DLG2: variants seen among roughly 807,000 people sequenced by gnomAD.
DLG2 encodes the protein discs large MAGUK scaffold protein 2, also known as disks large homolog 2.
Under a neutral mutation model 132.5 loss-of-function variants are expected in DLG2, and 45 were observed. The ratio of observed to expected loss-of-function variants is 0.34; its 90% confidence interval spans 0.27 to 0.44. The LOEUF is 0.44. DLG2 is among the 20% of genes least tolerant of loss of function. The pLI, the probability that DLG2 is intolerant of heterozygous loss-of-function variation, is 1.00. For synonymous variants in DLG2, 424 were observed against 419.6 expected (o/e 1.01, Z -0.13); for missense variants, 1,045 against 1,196.9 (o/e 0.87, Z 1.87).
intron 8 of DLG2, among the ~76,000 whole-genome samples, chr11:84,216,681 A>G (rs1375063422): frequency 6.6e-6 from 1 of 152,190 alleles, no homozygotes; most frequent in African/African-American, 2.4e-5. Flanking sequence ...TGCAATGGAA[A>G]GCATGAAGGA....
chr11:84,932,605 GC>G (rs2048231595), intron 6 of DLG2, among the ~76,000 whole-genome samples: 1 of 152,130 alleles, frequency 6.6e-6, no homozygotes, highest in African/African-American at 2.4e-5. Flanking sequence ...GTGAGAACAT[GC>G]AGTGTTTGGT....
At chr11:85,417,272 C>G (rs548552217) in intron 3 of DLG2, among the ~76,000 whole-genome samples, 4 of 152,094 alleles carry the variant, frequency 2.6e-5, no homozygotes, top group African/African-American at 9.7e-5. Context: ...ATTGAACAAG[C>G]CTTGCATCCC....
chr11:85,266,772 C>T (rs148159158), intron 4 of DLG2, among the ~76,000 whole-genome samples: 79 of 152,198 alleles, frequency 5.2e-4, no homozygotes, highest in Non-Finnish European at 9.9e-4. Flanking sequence ...ATATTTTGTA[C>T]GCCCACTTTG....
intron 6 of DLG2, among the ~76,000 whole-genome samples, chr11:84,761,246 G>T (rs137859912): frequency 5.3e-5 from 8 of 152,200 alleles, no homozygotes; most frequent in Non-Finnish European, 1.0e-4. Context: ...ATTTTTACCC[G>T]TGATGGTGTA....
chr11:84,608,882 G>T (rs2099590341), intron 6 of DLG2, among the ~76,000 whole-genome samples: 1 of 152,110 alleles, frequency 6.6e-6, no homozygotes, highest in South Asian at 2.1e-4. Flanking sequence ...ATCTTATGAG[G>T]CACTTACTAT....
chr11:83,867,376 C>T (rs1056618988), intron 16 of DLG2, among the ~76,000 whole-genome samples: 2 of 152,028 alleles, frequency 1.3e-5, no homozygotes, highest in African/African-American at 4.8e-5. Context: ...TTAAAATATA[C>T]AATATTTAAT....
chr11:83,558,848 C>CGTGTGTGT lies in DLG2; in HGVS notation c.1941-16998_1941-16991dup, dbSNP rs3039336. Among the ~76,000 whole-genome samples the CGTGTGTGT allele has an allele frequency of 8.2e-3, 1,166 of 142,318 alleles. 19 individuals carry two copies. Among genetic ancestry groups the CGTGTGTGT allele is most frequent in the South Asian group, 0.026 (108 of 4,220 alleles). The allele number at this position is 142,318 out of a possible 152,430, so 93.4% of individuals were successfully genotyped here. On this transcript the variant is annotated intron_variant, in intron 19 of 27. Transcript: ENST00000376104. Reference sequence around the variant, plus strand: ...CCCGGTAAAAAACAGTGCTAGATGTCGTGTGTGTGTGTGTGTGTGTGTGTG... The same window carrying CGTGTGTGT: ...CCCGGTAAAAAACAGTGCTAGATGTCGTGTGTGTGTGTGTGTGTGTGTGTGTGTGTGTG...
At chr11:84,581,771 G>C (rs1284269770) in intron 6 of DLG2, among the ~76,000 whole-genome samples, 1 of 151,978 alleles carries the variant, frequency 6.6e-6, no homozygotes, top group Non-Finnish European at 1.5e-5. Flanking sequence ...GCCGGGCATG[G>C]TGGCATGTGC....
intron 6 of DLG2, among the ~76,000 whole-genome samples, chr11:84,778,982 C>T (rs560932469): frequency 3.1e-4 from 47 of 152,134 alleles, no homozygotes; most frequent in Non-Finnish European, 6.3e-4. Flanking sequence ...CTTGAACCTA[C>T]GCCAGTGGTT....
chr11:84,212,215 A>C (rs1443179421), intron 8 of DLG2, among the ~76,000 whole-genome samples: 2 of 152,220 alleles, frequency 1.3e-5, no homozygotes, highest in Non-Finnish European at 2.9e-5. Flanking sequence ...CAACTGTATG[A>C]AAATTGATTA....
intron 7 of DLG2, among the ~76,000 whole-genome samples, chr11:84,521,256 A>G (rs1470159387): frequency 2.0e-5 from 3 of 152,212 alleles, no homozygotes; most frequent in Non-Finnish European, 4.4e-5. Context: ...TAACTCAGTG[A>G]TAACAATTTT....
At chr11:84,463,854 C>T (rs2099086902) in intron 7 of DLG2, among the ~76,000 whole-genome samples, 1 of 151,116 alleles carries the variant, frequency 6.6e-6, no homozygotes, top group Non-Finnish European at 1.5e-5. Context: ...CAATACCAGA[C>T]TTGATCGACC....
chr11:83,547,479 T>A (rs68058076), intron 19 of DLG2, among the ~76,000 whole-genome samples: 27,477 of 151,930 alleles, frequency 0.18, 2,731 homozygotes, highest in Non-Finnish European at 0.19. Context: ...CAGAGAGATA[T>A]GACTTGGGAA....
At position 83,459,591 on chromosome 11, in the gene DLG2, G is replaced by A. The variant is rs1375242857; in HGVS notation, c.*227C>T. ...GGTTCATCCCTACACCTGGCACTTT[G>A]AGCAAACCAAAGCCTTCCTTCATAC... On this transcript the variant is annotated 3_prime_UTR_variant, in exon 28 of 28. Coordinates refer to ENST00000376104, the MANE Select transcript of DLG2 (RefSeq NM_001142699.3). 2 of 396,854 alleles carry A rather than the reference G, an allele frequency of 5.0e-6. No individual in the cohort carries two copies. Among genetic ancestry groups the A allele is most frequent in the Non-Finnish European group, 9.2e-6 (2 of 217,960 alleles). 24.6% of individuals were successfully genotyped at this position (396,854 alleles called of 1,614,324 possible).
intron 7 of DLG2, among the ~76,000 whole-genome samples, chr11:84,330,620 C>T (rs2098454059): frequency 1.3e-5 from 2 of 152,058 alleles, no homozygotes; most frequent in African/African-American, 2.4e-5. Flanking sequence ...CTGTTATAGC[C>T]TTCATTTCTC....
intron 3 of DLG2, among the ~76,000 whole-genome samples, chr11:85,501,167 G>A (rs1022638141): frequency 1.3e-5 from 2 of 152,182 alleles, no homozygotes; most frequent in Admixed American, 6.5e-5. Context: ...AAGCAATGGG[G>A]AAAAGATTCC....
chr11:85,354,899 T>A (rs2083574363), intron 3 of DLG2, among the ~76,000 whole-genome samples: 1 of 152,018 alleles, frequency 6.6e-6, no homozygotes, highest in Non-Finnish European at 1.5e-5. Context: ...GATAATTAAC[T>A]CTTGTCTCTT....
chr11:84,311,625 G>A (rs907400828), intron 7 of DLG2, among the ~76,000 whole-genome samples: 2 of 152,222 alleles, frequency 1.3e-5, no homozygotes, highest in African/African-American at 4.8e-5. Flanking sequence ...AAAACCAGCT[G>A]TCTTACAAAC....
At chr11:84,815,197 C>T (rs945667237) in intron 6 of DLG2, among the ~76,000 whole-genome samples, 1 of 152,066 alleles carries the variant, frequency 6.6e-6, no homozygotes, top group Non-Finnish European at 1.5e-5. Flanking sequence ...AAGAAAGAGG[C>T]TTTGCTTTAT....
Sources: allele counts gnomAD v4.1 joint callset (sites outside exome capture counted in the v4.1 genomes callset), GRCh38; gene constraint gnomAD v4.1.1; transcripts MANE v1.5; gene names NCBI Gene and HGNC (gene_info 2026-07-23, HGNC 2026-07-21).